ABCC11: variants seen among roughly 807,000 people sequenced by gnomAD.
ABCC11 encodes ATP binding cassette subfamily C member 11, also known as ATP-binding cassette sub-family C member 11.
ABCC11 carries 135 observed loss-of-function variants against 149.3 expected under a neutral mutation model. The observed-to-expected ratio is 0.90, with a 90% CI of 0.79 to 1.04. The LOEUF is 1.04. Ranked by LOEUF, ABCC11 falls within the 50% of genes least tolerant of loss-of-function variation. The pLI, the probability that ABCC11 is intolerant of heterozygous loss-of-function variation, is 0.00. For missense variants in ABCC11, 1,680 were observed against 1,722.1 expected (o/e 0.98, Z 0.43); for synonymous variants, 665 against 671.4 (o/e 0.99, Z 0.15).
rs749484060 is a variant in ABCC11 at position 48,227,948 on chromosome 16, G to T, written c.253C>A (p.Pro85Thr). ...GAGAACAGGCCAGCATTGTCCAGGG[G>T]CTGGGGGGCAGGAAACCTAGTAGAG... ...RPKPRFPAPQ[P>T]LDNAGLFSYL... Residue 85 changes from proline (P) to threonine (T), a missense_variant, in exon 4 of 30, where the codon CCC becomes ACC. Physicochemically the swap from Pro to Thr is conservative, Grantham distance 38. Transcript: ENST00000356608. 4 of 1,612,628 alleles carry T rather than the reference G, an allele frequency of 2.5e-6. No homozygotes were observed. The East Asian group carries it at 6.7e-5, about 27-fold the overall frequency.
intron 26 of ABCC11, among the ~76,000 whole-genome samples, chr16:48,172,436 T>G (rs1348782272): frequency 6.6e-6 from 1 of 151,714 alleles, no homozygotes; most frequent in East Asian, 1.9e-4. Flanking sequence ...ACTTTTTTTT[T>G]TTTTTTTTTG....
intron 20 of ABCC11, among the ~76,000 whole-genome samples, chr16:48,188,486 T>C (rs530847017): frequency 6.6e-6 from 1 of 152,348 alleles, no homozygotes; most frequent in Non-Finnish European, 1.5e-5. Flanking sequence ...GGATCAAATT[T>C]AGCCTTAACT....
rs536562760 is a variant in ABCC11, at chr16:48,187,446, C to T, written c.2707-19G>A. ...GGAAAACCTGCAGGGACAAAATCAA[C>T]GCAGACCATGAGAGAAGCTGCAGGC... On this transcript the variant is annotated intron_variant, in intron 20 of 29. Transcript: ENST00000356608. 1.1e-5 allele frequency: 17 copies of T among 1,584,214 alleles called. No individual in the cohort carries two copies. Among genetic ancestry groups the T allele is most frequent in the Middle Eastern group, 1.7e-4 (1 of 5,858 alleles).
At chr16:48,218,598 C>T (rs934710155) in intron 6 of ABCC11, among the ~76,000 whole-genome samples, 1 of 152,122 alleles carries the variant, frequency 6.6e-6, no homozygotes, top group African/African-American at 2.4e-5. Flanking sequence ...GGCTGGGTTC[C>T]CACCCAAATC....
intron 23 of ABCC11, among the ~76,000 whole-genome samples, chr16:48,181,075 G>A (rs376421970): frequency 2.6e-5 from 4 of 152,190 alleles, no homozygotes; most frequent in African/African-American, 7.2e-5. Context: ...CAAGGGCTGC[G>A]CTTAGGGCAG....
At chr16:48,243,993 G>GAATAAATA (rs748559863) in intron 1 of ABCC11, among the ~76,000 whole-genome samples, 1,657 of 150,958 alleles carry the variant, frequency 0.011, 39 homozygotes, top group African/African-American at 0.038. Context: ...ATCTGTCTCA[G>GAATAAATA]AATAAATAAA....
chr16:48,178,521 T>TG (rs1966229418), intron 24 of ABCC11, 76 bp downstream of exon 24: 1 of 1,411,014 alleles, frequency 7.1e-7, no homozygotes, highest in Non-Finnish European at 1.0e-6. Flanking sequence ...CTGAGGCCAG[T>TG]GGGGCTTGTA....
At chr16:48,219,301 C>G (rs923006350) in intron 6 of ABCC11, among the ~76,000 whole-genome samples, 2 of 151,990 alleles carry the variant, frequency 1.3e-5, no homozygotes, top group African/African-American at 4.8e-5. Flanking sequence ...TCCTAAGTAG[C>G]TGGGACCACA....
chr16:48,196,204 G>A (rs772003192), intron 18 of ABCC11, 28 bp downstream of exon 18: 12 of 1,609,012 alleles, frequency 7.5e-6, no homozygotes, highest in Middle Eastern at 1.7e-4. Context: ...CTCCAAGAGA[G>A]AGCCCTGGGC....
In ABCC11 at chr16:48,224,429, C is replaced by A. The variant is rs199947088; in HGVS notation, c.396G>T (p.Arg132Ser). The change falls in exon 5 of 30, where the codon AGG (arginine) becomes AGT (serine). Residue 132 changes from arginine (R) to serine (S), a missense_variant and splice_region_variant. Arg to Ser is a moderately radical substitution (Grantham distance 110). Coordinates refer to ENST00000356608, the MANE Select transcript of ABCC11 (RefSeq NM_001370497.1). ...VHDASDKNVQ[R>S]LHRLWEEEVS... Reference sequence around the variant, plus strand: ...CTTCTTCTTCCCAAAGGCGGTGAAGCCTTGAAAAGAGGATAATGGAACTGG... The same window carrying A: ...CTTCTTCTTCCCAAAGGCGGTGAAGACTTGAAAAGAGGATAATGGAACTGG... 5 of 1,613,776 alleles carry A rather than the reference C, an allele frequency of 3.1e-6. No individual in the cohort carries two copies. The highest frequency in any genetic ancestry group is 3.4e-6 in the Non-Finnish European group (4 of 1,179,886).
chr16:48,242,527 C>T lies in ABCC11; in HGVS notation c.-19+4787G>A, dbSNP rs139817846. Among the ~76,000 whole-genome samples the T allele has an allele frequency of 6.6e-5, 10 of 152,204 alleles. No homozygotes were observed. In the East Asian group the frequency reaches 1.7e-3, roughly 26 times the overall value. On this transcript the variant is annotated intron_variant, in intron 1 of 29. Coordinates refer to ENST00000356608, the MANE Select transcript of ABCC11 (RefSeq NM_001370497.1). Reference sequence around the variant, plus strand: ...TCTGGAACTAGAAATACCATTTGACCCAGCCATCCCATTGCTGGGTATATA... The same window carrying T: ...TCTGGAACTAGAAATACCATTTGACTCAGCCATCCCATTGCTGGGTATATA...
chr16:48,221,015 A>T (rs1969700544), intron 6 of ABCC11, among the ~76,000 whole-genome samples: 1 of 152,202 alleles, frequency 6.6e-6, no homozygotes, highest in Non-Finnish European at 1.5e-5. Flanking sequence ...GGAAAAATAA[A>T]CTGGGTCTTG....
At chr16:48,175,018 AAT>A (rs1329939052) in intron 26 of ABCC11, among the ~76,000 whole-genome samples, 1 of 152,192 alleles carries the variant, frequency 6.6e-6, no homozygotes, top group Admixed American at 6.5e-5. Context: ...AAAAAATAAA[AAT>A]ATGTTTTGTT....
intron 23 of ABCC11, among the ~76,000 whole-genome samples, chr16:48,183,974 A>T (rs1430040214): frequency 6.6e-6 from 1 of 152,128 alleles, no homozygotes; most frequent in Non-Finnish European, 1.5e-5. Flanking sequence ...TGTGAAACCC[A>T]CCTTTTAAAC....
intron 15 of ABCC11, 64 bp from the exon 16 acceptor site, chr16:48,198,339 C>A (rs1967630175): frequency 4.7e-6 from 7 of 1,495,470 alleles, no homozygotes; most frequent in South Asian, 1.2e-5. Context: ...TTTTACTATT[C>A]ACCAGGAAAA....
At chr16:48,167,458 C>T (rs778029313) in intron 29 of ABCC11, 38 bp downstream of exon 29, 2 of 1,612,682 alleles carry the variant, frequency 1.2e-6, no homozygotes, top group Admixed American at 3.3e-5. Flanking sequence ...GCAGCCTGAG[C>T]CCTCATCCTC....
At chr16:48,240,217 A>G (rs1481724581) in intron 1 of ABCC11, among the ~76,000 whole-genome samples, 1 of 152,214 alleles carries the variant, frequency 6.6e-6, no homozygotes, top group African/African-American at 2.4e-5. Flanking sequence ...TTAAAGGTAC[A>G]TGCACACGTA....
chr16:48,224,516 C>T (rs1484999589), intron 4 of ABCC11, 87 bp from the exon 5 acceptor site: 16 of 1,447,976 alleles, frequency 1.1e-5, no homozygotes, highest in Non-Finnish European at 1.5e-5. Flanking sequence ...AGCTTTGTTG[C>T]AGAAATTTTC....
At chr16:48,212,700 CAGTGCCTGGCTTGTGGT>C (rs1418388387) in intron 10 of ABCC11, among the ~76,000 whole-genome samples, 1 of 152,222 alleles carries the variant, frequency 6.6e-6, no homozygotes, top group Non-Finnish European at 1.5e-5. Flanking sequence ...ACAGTATTCT[CAGTGCCTGGCTTGTGGT>C]AGGAGCTCAA....
Sources: allele counts gnomAD v4.1 joint callset (sites outside exome capture counted in the v4.1 genomes callset), GRCh38; gene constraint gnomAD v4.1.1; transcripts MANE v1.5; gene names NCBI Gene and HGNC (gene_info 2026-07-23, HGNC 2026-07-21).